The following RSU1 variants were observed in gnomAD, a reference collection of about 807,000 sequenced individuals.
The protein encoded by RSU1 is Ras suppressor protein 1, also known as rsu-1.
Under a neutral mutation model 31.1 loss-of-function variants are expected in RSU1, and 26 were observed. The ratio of observed to expected loss-of-function variants is 0.84; its 90% confidence interval spans 0.61 to 1.16. The LOEUF (loss-of-function observed/expected upper bound fraction) is 1.16. Among genes scored for constraint, RSU1 ranks in the 50% most tolerant of loss-of-function variants. RSU1 has a pLI of 0.00. For synonymous variants in RSU1, 164 were observed against 136.3 expected, an observed-to-expected ratio of 1.20 and a Z score of -1.41; for missense variants, 320 against 339.1, an observed-to-expected ratio of 0.94 and a Z score of 0.44.
intron 2 of RSU1, among the ~76,000 whole-genome samples, chr10:16,815,599 T>C (rs1838511920): frequency 1.3e-5 from 2 of 152,192 alleles, no homozygotes; most frequent in African/African-American, 4.8e-5. Context: ...CCAGGCACTA[T>C]TATTAAAAAA....
At chr10:16,816,909 G>A in intron 2 of RSU1, 64 bp downstream of exon 2, 1 of 1,163,538 alleles carries the variant, frequency 8.6e-7, no homozygotes, top group East Asian at 2.3e-5. Context: ...AGGACCAGCA[G>A]TGAATTGGCA....
chr10:16,778,749 G>A (rs962624369), intron 3 of RSU1, among the ~76,000 whole-genome samples: 2 of 152,032 alleles, frequency 1.3e-5, no homozygotes, highest in East Asian at 1.9e-4. Flanking sequence ...GCAGGGCTAC[G>A]GGGGGACAGA....
intron 8 of RSU1, among the ~76,000 whole-genome samples, chr10:16,606,935 T>C (rs1833815956): frequency 6.6e-6 from 1 of 152,226 alleles, no homozygotes; most frequent in Admixed American, 6.5e-5. Context: ...AGTTTCTCTC[T>C]GCCCAGGTGA....
At chr10:16,617,624 G>A (rs952455353) in intron 8 of RSU1, among the ~76,000 whole-genome samples, 1 of 152,108 alleles carries the variant, frequency 6.6e-6, no homozygotes, top group Non-Finnish European at 1.5e-5. Flanking sequence ...GCATGGTACT[G>A]GTATCAAAAC....
chr10:16,794,150 T>G (rs970684286), intron 2 of RSU1, among the ~76,000 whole-genome samples: 15 of 152,284 alleles, frequency 9.9e-5, no homozygotes, highest in African/African-American at 3.6e-4. Context: ...CCTTTGGCCT[T>G]GCACTAAATT....
At chr10:16,679,217 C>T (rs547783960) in intron 8 of RSU1, among the ~76,000 whole-genome samples, 1 of 152,212 alleles carries the variant, frequency 6.6e-6, no homozygotes, top group East Asian at 1.9e-4. Flanking sequence ...GGTGACCTGT[C>T]AGAAGTTATA....
At chr10:16,694,634 G>C (rs1473160406) in intron 8 of RSU1, among the ~76,000 whole-genome samples, 1 of 152,104 alleles carries the variant, frequency 6.6e-6, no homozygotes, top group Admixed American at 6.5e-5. Context: ...TGCAGGGCAT[G>C]ACCACGACTC....
chr10:16,617,947 C>T (rs1416404050), intron 8 of RSU1, among the ~76,000 whole-genome samples: 1 of 152,106 alleles, frequency 6.6e-6, no homozygotes, highest in Non-Finnish European at 1.5e-5. Context: ...ACTAAAACAC[C>T]AAAAGCAATG....
intron 8 of RSU1, among the ~76,000 whole-genome samples, chr10:16,674,833 G>A (rs371107397): frequency 6.6e-6 from 1 of 152,086 alleles, no homozygotes; most frequent in Non-Finnish European, 1.5e-5. Context: ...AGGAGTTCGA[G>A]ACCAGCCTGG....
chr10:16,805,453 C>T (rs1201384457), intron 2 of RSU1, among the ~76,000 whole-genome samples: 1 of 151,808 alleles, frequency 6.6e-6, no homozygotes, highest in East Asian at 1.9e-4. Context: ...GGGTGGATCA[C>T]GACGTGAGGA....
intron 2 of RSU1, among the ~76,000 whole-genome samples, chr10:16,796,748 G>C (rs1487482625): frequency 6.6e-6 from 1 of 152,130 alleles, no homozygotes; most frequent in Non-Finnish European, 1.5e-5. Context: ...GAGGCAGCAT[G>C]GCAGATTTTA....
intron 8 of RSU1, among the ~76,000 whole-genome samples, chr10:16,676,115 C>T (rs952771137): frequency 6.6e-6 from 1 of 152,138 alleles, no homozygotes; most frequent in Non-Finnish European, 1.5e-5. Context: ...AAGGTCATAC[C>T]CTTTAATATG....
At chr10:16,612,848 G>A (rs1833916448) in intron 8 of RSU1, among the ~76,000 whole-genome samples, 1 of 152,092 alleles carries the variant, frequency 6.6e-6, no homozygotes, top group Admixed American at 6.6e-5. Context: ...TCAGACACTG[G>A]TTATATATTC....
intron 8 of RSU1, among the ~76,000 whole-genome samples, chr10:16,626,652 C>T (rs114850417): frequency 0.015 from 2,299 of 152,236 alleles, 71 homozygotes; most frequent in African/African-American, 0.052. Flanking sequence ...AGCTCTTTGT[C>T]TTTGGGGAAA....
intron 8 of RSU1, among the ~76,000 whole-genome samples, chr10:16,668,608 T>C (rs939234635): frequency 1.1e-4 from 16 of 152,174 alleles, no homozygotes; most frequent in African/African-American, 3.4e-4. Context: ...ATGGTTTTTT[T>C]TCCCCCCAAG....
intron 8 of RSU1, among the ~76,000 whole-genome samples, chr10:16,674,797 C>T (rs531407740): frequency 8.6e-5 from 13 of 151,968 alleles, no homozygotes; most frequent in Non-Finnish European, 1.3e-4. Flanking sequence ...TGTGGGAGGC[C>T]GAGGTGGGCA....
intron 2 of RSU1, among the ~76,000 whole-genome samples, chr10:16,807,366 C>T (rs763399177): frequency 1.3e-5 from 2 of 152,164 alleles, no homozygotes; most frequent in Non-Finnish European, 2.9e-5. Flanking sequence ...ACTAAAACTA[C>T]CATTTAATGT....
intron 8 of RSU1, among the ~76,000 whole-genome samples, chr10:16,606,637 G>A (rs1339564651): frequency 2.6e-5 from 4 of 152,140 alleles, no homozygotes; most frequent in Admixed American, 6.5e-5. Flanking sequence ...TCTCTGCCAC[G>A]TTGTATATAC....
intron 7 of RSU1, among the ~76,000 whole-genome samples, chr10:16,737,588 A>C (rs1836654050): frequency 6.6e-6 from 1 of 152,134 alleles, no homozygotes; most frequent in African/African-American, 2.4e-5. Context: ...ACTGTACTAC[A>C]ATAAATACAA....
Sources: allele counts gnomAD v4.1 joint callset (sites outside exome capture counted in the v4.1 genomes callset), GRCh38; gene constraint gnomAD v4.1.1; transcripts MANE v1.5; gene names NCBI Gene and HGNC (gene_info 2026-07-23, HGNC 2026-07-21).